The following PPARGC1B variants were observed in gnomAD, a reference collection of about 807,000 sequenced individuals.
The protein encoded by PPARGC1B is PPARG coactivator 1 beta.
In PPARGC1B, 34 loss-of-function variants were observed where a neutral mutation model predicts 101.6. The observed-to-expected ratio is 0.33, with a 90% CI of 0.25 to 0.45. The LOEUF (loss-of-function observed/expected upper bound fraction) is 0.45. Ranked by LOEUF, PPARGC1B falls within the 20% of genes least tolerant of loss-of-function variation. The pLI is 1.00. For missense variants in PPARGC1B, 1,234 were observed against 1,317.6 expected (o/e 0.94, Z 0.98); for synonymous variants, 548 against 539.3 (o/e 1.02, Z -0.22).
Position 149,832,338 on chromosome 5 carries a change from G to T in PPARGC1B, c.583-318G>T, listed in dbSNP as rs768846072. Reference sequence around the variant, plus strand: ...CCAGGCTACCATGAACCTACTGCCCGGCTCTTGGCTGAGGGGTACGGAGCA... The same window carrying T: ...CCAGGCTACCATGAACCTACTGCCCTGCTCTTGGCTGAGGGGTACGGAGCA... On this transcript the variant is annotated intron_variant, in intron 4 of 11. Coordinates refer to ENST00000309241, the MANE Select transcript of PPARGC1B (RefSeq NM_133263.4). This position sits in a 1 kb window ranked among gnomAD's most constrained non-coding sequence, Gnocchi z 4.9. 6.6e-6 allele frequency among the ~76,000 whole-genome samples: 1 copy of T among 152,120 alleles called. No homozygotes were observed. Among genetic ancestry groups the T allele is most frequent in the Non-Finnish European group, 1.5e-5 (1 of 68,020 alleles).
At chr5:149,754,171 A>T (rs11740247) in intron 1 of PPARGC1B, among the ~76,000 whole-genome samples, 1 of 152,164 alleles carries the variant, frequency 6.6e-6, no homozygotes. Context: ...GTTTTAATTC[A>T]TAGTCCTTTT....
chr5:149,854,358 TACAC>T lies in PPARGC1B; in HGVS notation c.*6803_*6806del, dbSNP rs1390045056. ...GTGTGTGTGTGTATCTGTGCACACA[TACAC>T]ACGTCTGTGCCTGTGTGTGTGTGTT... is the stretch of plus-strand genomic sequence containing the variant. On this transcript the variant is annotated 3_prime_UTR_variant, in exon 12 of 12. Coordinates refer to ENST00000309241, the MANE Select transcript of PPARGC1B (RefSeq NM_133263.4). 7.3e-5 allele frequency: 11 copies of T among 151,576 alleles called. No individual in the cohort carries two copies. In the Admixed American group the frequency reaches 7.3e-4, roughly 10 times the overall value. 9.4% of individuals were successfully genotyped at this position (151,576 alleles called of 1,614,324 possible).
At position 149,847,854 on chromosome 5, in the gene PPARGC1B, C is replaced by G; in HGVS notation, c.*296C>G. The stretch of plus-strand genomic sequence containing the variant: ...GAAGTGCCGGGTCCGTCACCCATCG[C>G]CCCTTCCTTCCCGACTGACTTCCTC... On this transcript the variant is annotated 3_prime_UTR_variant, in exon 12 of 12. Transcript: ENST00000309241. The G allele has an allele frequency of 2.4e-6, 1 of 412,192 alleles. No homozygotes were observed. The highest frequency in any genetic ancestry group is 4.4e-6 in the Non-Finnish European group (1 of 228,736). 25.5% of individuals were successfully genotyped at this position (412,192 alleles called of 1,614,324 possible).
At chr5:149,800,588 A>T (rs1432382032) in intron 1 of PPARGC1B, among the ~76,000 whole-genome samples, 1 of 152,186 alleles carries the variant, frequency 6.6e-6, no homozygotes. Context: ...TCCCTTTGGG[A>T]CTGTTAGGCA....
At chr5:149,826,007 G>A (rs990240649) in intron 2 of PPARGC1B, among the ~76,000 whole-genome samples, 7 of 152,322 alleles carry the variant, frequency 4.6e-5, no homozygotes, top group East Asian at 1.9e-4. Context: ...CTTAGGAAAT[G>A]TGTGCTGTGT....
chr5:149,757,630 C>T (rs1561855764), intron 1 of PPARGC1B, among the ~76,000 whole-genome samples: 1 of 152,200 alleles, frequency 6.6e-6, no homozygotes, highest in Admixed American at 6.5e-5. Flanking sequence ...CAGCCACCAT[C>T]GACACAAAGT....
chr5:149,766,206 G>T (rs1364325614), intron 1 of PPARGC1B, among the ~76,000 whole-genome samples: 1 of 152,080 alleles, frequency 6.6e-6, no homozygotes, highest in East Asian at 1.9e-4. Flanking sequence ...TTATGATTAT[G>T]ATAAGAAATC....
At chr5:149,768,156 C>G (rs1189286742) in intron 1 of PPARGC1B, among the ~76,000 whole-genome samples, 1 of 152,166 alleles carries the variant, frequency 6.6e-6, no homozygotes. Context: ...CTTTTCAGTG[C>G]TTTGTGGCAG....
chr5:149,835,341 A>G lies in PPARGC1B; in HGVS notation c.1783A>G (p.Thr595Ala). The change falls in exon 7 of 12, where the codon ACA becomes GCA. Residue 595 changes from threonine (T) to alanine (A), a missense_variant. Transcript: ENST00000309241. ...FGKKSFEQTL[T>A]VELCGTAGLT... ...CAAGAAGAGCTTTGAGCAGACCTTG[A>G]CAGTGGAGCTCTGTGGCACAGCAGG... The G allele has an allele frequency of 6.2e-7, 1 of 1,614,184 alleles. No homozygotes were observed. The highest frequency in any genetic ancestry group is 1.1e-5 in the South Asian group (1 of 91,066).
chr5:149,783,296 G>C (rs746640619), intron 1 of PPARGC1B, among the ~76,000 whole-genome samples: 2 of 152,158 alleles, frequency 1.3e-5, no homozygotes, highest in African/African-American at 2.4e-5. Flanking sequence ...TTTTCATAAA[G>C]AGAGTAGCAT....
intron 1 of PPARGC1B, among the ~76,000 whole-genome samples, chr5:149,802,506 G>A (rs548076533): frequency 2.9e-4 from 44 of 151,874 alleles, no homozygotes; most frequent in African/African-American, 9.7e-4. Context: ...TCCCAGATGT[G>A]CAGGCAGGAT....
At position 149,832,745 on chromosome 5, in the gene PPARGC1B, G is replaced by A. The variant is rs376289303; in HGVS notation, c.672G>A (p.Gln224=). ...TELHKHLTSA[Q]CCLQDRGLQP... ...TACATAAGCACCTCACCTCGGCACA[G>A]TGCTGCCTGCAGGATCGGGGTCTGC... Residue 224 remains glutamine, a synonymous_variant, in exon 5 of 12, where the codon CAG becomes CAA. Transcript: ENST00000309241. The surrounding 1 kb of genome is among the most constrained non-coding windows in gnomAD (Gnocchi z 4.9). 6 of 1,611,912 alleles carry A rather than the reference G, an allele frequency of 3.7e-6. No individual in the cohort carries two copies. Among genetic ancestry groups the A allele is most frequent in the African/African-American group, 1.3e-5 (1 of 74,876 alleles).
intron 1 of PPARGC1B, among the ~76,000 whole-genome samples, chr5:149,795,087 A>C (rs1050056793): frequency 6.6e-6 from 1 of 152,256 alleles, no homozygotes; most frequent in Non-Finnish European, 1.5e-5. Context: ...AATTAGAGCC[A>C]GCTGTGGCTA....
At chr5:149,763,826 C>T (rs978357479) in intron 1 of PPARGC1B, among the ~76,000 whole-genome samples, 6 of 151,458 alleles carry the variant, frequency 4.0e-5, no homozygotes, top group South Asian at 4.2e-4. Context: ...CTCTGTCGCT[C>T]GGGCTGGAGT....
chr5:149,773,236 A>T (rs368209397), intron 1 of PPARGC1B, among the ~76,000 whole-genome samples: 1 of 152,224 alleles, frequency 6.6e-6, no homozygotes, highest in African/African-American at 2.4e-5. Context: ...GTGCAGCCAG[A>T]TGAGAGCTAC....
In PPARGC1B at chr5:149,833,027, C is replaced by T. The variant is rs144195384; in HGVS notation, c.954C>T (p.Asn318=). The change falls in exon 5 of 12, where the codon AAC becomes AAT. Residue 318 remains asparagine, a synonymous_variant. Transcript: ENST00000309241. This position sits in a 1 kb window ranked among gnomAD's most constrained non-coding sequence, Gnocchi z 4.1. The stretch of plus-strand genomic sequence containing the variant: ...AGCCACTCCCCAAGGCCTGCAGCAA[C>T]CCCTCCCAGCAGGTCAGATCCCGGC... The part of the protein sequence containing the change: ...TPEPLPKACS[N]PSQQVRSRPW... The T allele has an allele frequency of 4.9e-4, 791 of 1,613,744 alleles. 6 individuals are homozygous for T. The African/African-American group carries it at 5.2e-3, about 11-fold the overall frequency.
intron 11 of PPARGC1B, 38 bp from the exon 12 acceptor site, chr5:149,847,420 C>A: frequency 6.8e-7 from 1 of 1,479,146 alleles, no homozygotes; most frequent in Non-Finnish European, 9.5e-7. Flanking sequence ...TTGCTCACTG[C>A]CTTCCCCTCT....
chr5:149,836,919 G>A lies in PPARGC1B; in HGVS notation c.2464G>A (p.Glu822Lys). 1.2e-6 allele frequency: 2 copies of A among 1,613,824 alleles called. No individual in the cohort carries two copies. Among genetic ancestry groups the A allele is most frequent in the Non-Finnish European group, 1.7e-6 (2 of 1,180,020 alleles). ...EGEEEEEDDE[E>K]EDSGVSPTCS... The stretch of plus-strand genomic sequence containing the variant: ...GGAGGAGGAGGAGGAGGACGATGAA[G>A]AAGAGGACTCAGGGGTCAGCCCCAC... The change falls in exon 8 of 12, where the codon GAA becomes AAA. Residue 822 changes from glutamate (E) to lysine (K), a missense_variant. Transcript: ENST00000309241.
At chr5:149,767,700 T>A (rs1755963025) in intron 1 of PPARGC1B, among the ~76,000 whole-genome samples, 1 of 152,148 alleles carries the variant, frequency 6.6e-6, no homozygotes. Context: ...CCATTCCCTT[T>A]GGACATCTGG....
Sources: gnomAD v4.1 joint callset for allele counts (sites outside exome capture counted in the v4.1 genomes callset) on GRCh38, gnomAD v4.1.1 for gene constraint, Gnocchi (gnomAD v3.1) non-coding constraint, MANE v1.5 for transcripts, NCBI Gene and HGNC (gene_info 2026-07-23, HGNC 2026-07-21) for gene names.